Variants in LURAP1 observed in about 807,000 individuals in gnomAD.
LURAP1 encodes NF-kappa-B activator C1orf190.
Under a neutral mutation model 19.0 loss-of-function variants are expected in LURAP1, and 14 were observed. The ratio of observed to expected loss-of-function variants is 0.74; its 90% CI spans 0.49 to 1.15. The LOEUF (loss-of-function observed/expected upper bound fraction) is 1.15, where lower values mean the gene tolerates loss of function less well. Ranked by LOEUF, LURAP1 falls within the 50% of genes most tolerant of loss-of-function variation. LURAP1 has a pLI of 0.00. For synonymous variants in LURAP1, 129 were observed against 131.8 expected (o/e 0.98, Z 0.14); for missense variants, 273 against 309.1 (o/e 0.88, Z 0.87).
intron 1 of LURAP1, among the ~76,000 whole-genome samples, chr1:46,218,594 C>T (rs6696085): frequency 0.2 from 30,862 of 152,062 alleles, 3,228 homozygotes; most frequent in Admixed American, 0.25. Flanking sequence ...TGTAGATGTT[C>T]GGATTCGGCA....
chr1:46,205,193 G>A (rs1658672767), intron 1 of LURAP1, among the ~76,000 whole-genome samples: 1 of 152,132 alleles, frequency 6.6e-6, no homozygotes, highest in Non-Finnish European at 1.5e-5. Context: ...AGGAAGAGGA[G>A]GTTGCAGTGA....
At chr1:46,210,302 A>G (rs1202550833) in intron 1 of LURAP1, among the ~76,000 whole-genome samples, 2 of 152,102 alleles carry the variant, frequency 1.3e-5, no homozygotes, top group South Asian at 2.1e-4. Flanking sequence ...CACTTAATGC[A>G]ACACAACAAT....
chr1:46,209,974 A>G (rs1658842469), intron 1 of LURAP1, among the ~76,000 whole-genome samples: 1 of 152,172 alleles, frequency 6.6e-6, no homozygotes, highest in African/African-American at 2.4e-5. Flanking sequence ...TTCACTGTTC[A>G]TATATTTGTC....
At position 46,220,536 on chromosome 1, in the gene LURAP1, C is replaced by A; in HGVS notation, c.*316C>A. 1 of 229,490 alleles carries A rather than the reference C, an allele frequency of 4.4e-6. No individual in the cohort carries two copies. The highest frequency in any genetic ancestry group is 8.4e-6 in the Non-Finnish European group (1 of 118,770). The allele number at this position is 229,490 out of a possible 1,614,324, so 14.2% of individuals were successfully genotyped here. A position where few individuals can be genotyped will look rare whatever the true frequency, so the allele number is the denominator to read the frequency against. On this transcript the variant is annotated 3_prime_UTR_variant, in exon 2 of 2. Transcript: ENST00000371980. ...CCTTGACCTCCTGGGCTCAAGCGAT[C>A]CTCCTATTTCAGCCTCCCCCATAGT...
At chr1:46,219,573 G>A (rs902297173) in intron 1 of LURAP1, 126 bp from the exon 2 acceptor site, 15 of 1,044,088 alleles carry the variant, frequency 1.4e-5, no homozygotes, top group African/African-American at 3.2e-5. Flanking sequence ...TACACTGCAA[G>A]CCGTTATAAT....
rs757124875 is a variant in LURAP1 at position 46,220,266 on chromosome 1, G to C, written c.*46G>C. 77 of 1,531,872 alleles carry C rather than the reference G, an allele frequency of 5.0e-5. No individual in the cohort carries two copies. Among genetic ancestry groups the C allele is most frequent in the Non-Finnish European group, 6.3e-5 (72 of 1,141,064 alleles). The allele number at this position is 1,531,872 out of a possible 1,614,324, so 94.9% of individuals were successfully genotyped here. On this transcript the variant is annotated 3_prime_UTR_variant, in exon 2 of 2. Transcript: ENST00000371980. Reference sequence around the variant, plus strand: ...AATCCTGTGGCTCTTTTATCCATTAGATGTGGTCTCCCCCAAAATTGATTC... The same window carrying C: ...AATCCTGTGGCTCTTTTATCCATTACATGTGGTCTCCCCCAAAATTGATTC...
In LURAP1 at chr1:46,220,079, G is replaced by A. The variant is rs1265900454; in HGVS notation, c.579G>A (p.Gly193=). The A allele has an allele frequency of 1.2e-6, 2 of 1,614,254 alleles. No individual in the cohort carries two copies. Among genetic ancestry groups the A allele is most frequent in the Non-Finnish European group, 1.7e-6 (2 of 1,180,040 alleles). ...TGGATGTGGCAGCCACCAGGCTAGG[G>A]AGCTTGAGAGCTGTGTGGAAGCCCC... ...TEVDVAATRL[G]SLRAVWKPPG... Residue 193 remains glycine (G), a synonymous_variant, in exon 2 of 2, where the codon GGG becomes GGA. Coordinates refer to ENST00000371980, the MANE Select transcript of LURAP1 (RefSeq NM_001013615.3).
chr1:46,208,293 A>G (rs1658784320), intron 1 of LURAP1, among the ~76,000 whole-genome samples: 1 of 152,168 alleles, frequency 6.6e-6, no homozygotes, highest in African/African-American at 2.4e-5. Context: ...TGCCAAGCCA[A>G]CCACACTGAA....
Position 46,220,272 on chromosome 1 carries a change from G to A in LURAP1, c.*52G>A. On this transcript the variant is annotated 3_prime_UTR_variant, in exon 2 of 2. Coordinates refer to ENST00000371980, the MANE Select transcript of LURAP1 (RefSeq NM_001013615.3). Reference sequence around the variant, plus strand: ...GTGGCTCTTTTATCCATTAGATGTGGTCTCCCCCAAAATTGATTCTCCCTC... The same window carrying A: ...GTGGCTCTTTTATCCATTAGATGTGATCTCCCCCAAAATTGATTCTCCCTC... The A allele has an allele frequency of 2.6e-6, 4 of 1,522,248 alleles. No homozygotes were observed. Among genetic ancestry groups the A allele is most frequent in the Non-Finnish European group, 3.5e-6 (4 of 1,135,684 alleles). The allele number at this position is 1,522,248 out of a possible 1,614,324, so 94.3% of individuals were successfully genotyped here.
chr1:46,204,711 C>T (rs1187990170), intron 1 of LURAP1, among the ~76,000 whole-genome samples: 1 of 152,188 alleles, frequency 6.6e-6, no homozygotes, highest in Admixed American at 6.5e-5. Flanking sequence ...CAAGTGTGCA[C>T]TTGGCCTTGA....
intron 1 of LURAP1, among the ~76,000 whole-genome samples, chr1:46,206,539 T>C (rs114800079): frequency 0.019 from 2,958 of 152,230 alleles, 89 homozygotes; most frequent in African/African-American, 0.065. Flanking sequence ...TGAGGCTGCA[T>C]CTCTCCTGAG....
rs1045391020 is a variant in LURAP1 at position 46,215,993 on chromosome 1, G to A, written c.199-3706G>A. Among the ~76,000 whole-genome samples, 30 of 150,264 alleles carry A rather than the reference G, an allele frequency of 2.0e-4. 1 individual carries two copies. The highest frequency in any genetic ancestry group is 6.4e-4 in the African/African-American group (26 of 40,866). ...TATATCCTGCCAAACTATCAATAGTGTGAGGAAAGATTAATAACTTTTTAA... is the reference window on the plus strand; with the variant it reads ...TATATCCTGCCAAACTATCAATAGTATGAGGAAAGATTAATAACTTTTTAA... On this transcript the variant is annotated intron_variant, in intron 1 of 1. Coordinates refer to ENST00000371980, the MANE Select transcript of LURAP1 (RefSeq NM_001013615.3).
chr1:46,216,498 C>T (rs1291670069), intron 1 of LURAP1, among the ~76,000 whole-genome samples: 1 of 152,082 alleles, frequency 6.6e-6, no homozygotes, highest in African/African-American at 2.4e-5. Context: ...CATACCACCA[C>T]ACCTGACTAA....
chr1:46,206,837 A>C (rs1486856194), intron 1 of LURAP1, among the ~76,000 whole-genome samples: 1 of 152,172 alleles, frequency 6.6e-6, no homozygotes, highest in Non-Finnish European at 1.5e-5. Flanking sequence ...CCAGAAATGG[A>C]TTGGGCAGGA....
At position 46,220,376 on chromosome 1, in the gene LURAP1, G is replaced by C. The variant is rs956387298; in HGVS notation, c.*156G>C. 4 of 739,252 alleles carry C rather than the reference G, an allele frequency of 5.4e-6. No individual in the cohort carries two copies. The Admixed American group carries it at 1.2e-4, about 22-fold the overall frequency. 45.8% of individuals were successfully genotyped at this position (739,252 alleles called of 1,614,324 possible). A position where few individuals can be genotyped will look rare whatever the true frequency, so the allele number is the denominator to read the frequency against. ...TCATCATTTCTCTAGTCCCTAGGGA[G>C]TCTCTGCCTTTATCCCTCAATTATT... On this transcript the variant is annotated 3_prime_UTR_variant, in exon 2 of 2. Transcript: ENST00000371980.
Position 46,220,310 on chromosome 1 carries a change from G to A in LURAP1, c.*90G>A, listed in dbSNP as rs1462886892. On this transcript the variant is annotated 3_prime_UTR_variant, in exon 2 of 2. Transcript: ENST00000371980. ...TTGATTCTCCCTCAGTCTGAGACTA[G>A]GAAGAGGCTGCACTGAAATCAGTTA... 1 of 1,356,428 alleles carries A rather than the reference G, an allele frequency of 7.4e-7. No homozygotes were observed. Among genetic ancestry groups the A allele is most frequent in the East Asian group, 2.3e-5 (1 of 43,320 alleles). The allele number at this position is 1,356,428 out of a possible 1,614,324, so 84.0% of individuals were successfully genotyped here.
chr1:46,203,435 G>C lies in LURAP1; in HGVS notation c.9G>C (p.Gly3=). 4.1e-6 allele frequency: 6 copies of C among 1,475,802 alleles called. No homozygotes were observed. The highest frequency in any genetic ancestry group is 5.4e-6 in the Non-Finnish European group (6 of 1,113,236). 91.4% of individuals were successfully genotyped at this position (1,475,802 alleles called of 1,614,324 possible). The change falls in exon 1 of 2, where the codon GGG becomes GGC. Residue 3 remains glycine (G), a synonymous_variant. Coordinates refer to ENST00000371980, the MANE Select transcript of LURAP1 (RefSeq NM_001013615.3). The part of the protein sequence containing the change: ME[G]TVESQTPDLR... Reference sequence around the variant, plus strand: ...TTCAGGCTTGGGCCCGCATGGAGGGGACCGTGGAGTCCCAGACGCCTGACC... The same window carrying C: ...TTCAGGCTTGGGCCCGCATGGAGGGCACCGTGGAGTCCCAGACGCCTGACC...
intron 1 of LURAP1, among the ~76,000 whole-genome samples, chr1:46,214,282 G>A (rs553532373): frequency 4.6e-5 from 7 of 151,700 alleles, no homozygotes; most frequent in African/African-American, 9.7e-5. Context: ...GGAGGTAGAG[G>A]TTGCAGTGAG....
intron 1 of LURAP1, among the ~76,000 whole-genome samples, chr1:46,217,021 A>G (rs1659091088): frequency 6.6e-6 from 1 of 152,240 alleles, no homozygotes; most frequent in Non-Finnish European, 1.5e-5. Context: ...CAAAGCTTCA[A>G]TAAATTTACC....
Sources: allele counts gnomAD v4.1 joint callset (sites outside exome capture counted in the v4.1 genomes callset), GRCh38; gene constraint gnomAD v4.1.1; transcripts MANE v1.5; gene names NCBI Gene and HGNC (gene_info 2026-07-23, HGNC 2026-07-21).